Variants in NSDHL observed in about 807,000 individuals in gnomAD.
NSDHL encodes the protein sterol-4-alpha-carboxylate 3-dehydrogenase, decarboxylating.
Under a neutral mutation model 23.0 loss-of-function variants are expected in NSDHL, and 1 was observed. The ratio of observed to expected loss-of-function variants is 0.04; its 90% CI spans 0.02 to 0.21. The LOEUF is 0.21. Ranked by LOEUF, NSDHL falls within the 10% of genes least tolerant of loss-of-function variation. The probability of loss-of-function intolerance (pLI) is 1.00; values close to 1 mark genes in which losing one functional copy is unlikely to be tolerated. For missense variants in NSDHL, 237 were observed against 300.9 expected, an observed-to-expected ratio of 0.79 and a Z score of 1.57; for synonymous variants, 128 against 121.1, an observed-to-expected ratio of 1.06 and a Z score of -0.37.
At chrX:152,834,582 G>T (rs1933062556) in intron 1 of NSDHL, among the ~76,000 whole-genome samples, 1 of 112,359 alleles carries the variant, frequency 8.9e-6, no homozygotes, top group Non-Finnish European at 1.9e-5. Context: ...AGGCTTTATT[G>T]TTGTTCCTAC....
chrX:152,832,393 G>A (rs1556843529), intron 1 of NSDHL, among the ~76,000 whole-genome samples: 6 of 112,005 alleles, frequency 5.4e-5, no homozygotes, highest in Non-Finnish European at 1.1e-4. Context: ...TGGTACTCCA[G>A]GACCTAGAAC....
chrX:152,831,313 A>C (rs1468320149), intron 1 of NSDHL, among the ~76,000 whole-genome samples, 196 bp downstream of exon 1: 1 of 111,646 alleles, frequency 9.0e-6, no homozygotes, highest in Non-Finnish European at 1.9e-5. Context: ...TCACGGGGCA[A>C]CTGAGACCCG....
intron 4 of NSDHL, among the ~76,000 whole-genome samples, chrX:152,860,798 C>T (rs1162771660): frequency 8.9e-6 from 1 of 112,266 alleles, no homozygotes; most frequent in Non-Finnish European, 1.9e-5. Flanking sequence ...AACAACATTA[C>T]TGGCATGTGT....
intron 1 of NSDHL, among the ~76,000 whole-genome samples, chrX:152,838,172 T>A (rs1556844405): frequency 8.9e-6 from 1 of 112,199 alleles, no homozygotes; most frequent in East Asian, 2.8e-4. Context: ...TTGTGTCTAT[T>A]TGATTCTTCT....
At chrX:152,842,732 C>G (rs1294200147) in intron 1 of NSDHL, among the ~76,000 whole-genome samples, 1 of 111,869 alleles carries the variant, frequency 8.9e-6, no homozygotes, top group Middle Eastern at 4.2e-3. Context: ...GAACTCCTGA[C>G]TTCAAGTGTT....
chrX:152,849,670 A>G (rs1933325454), intron 2 of NSDHL, among the ~76,000 whole-genome samples: 1 of 112,610 alleles, frequency 8.9e-6, no homozygotes, highest in Non-Finnish European at 1.9e-5. Flanking sequence ...AGGAGATCCC[A>G]TCAAGGCGGT....
rs781989247 is a variant in NSDHL at position 152,854,392 on chromosome X, TTTTTATTTTATTTTA to T, written c.267+3984_267+3998del. Reference sequence around the variant, plus strand: ...TGAAAGACATGGCAGGAGAGGACCTTTTTTATTTTATTTTATTTTATTTTATTTTTATTTTTATTT... The same window carrying T: ...TGAAAGACATGGCAGGAGAGGACCTTTTTTATTTTATTTTTATTTTTATTT... On this transcript the variant is annotated intron_variant, in intron 3 of 7. Transcript: ENST00000370274. 6.3e-5 allele frequency among the ~76,000 whole-genome samples: 7 copies of T among 110,788 alleles called. 2 individuals are homozygous for T. In the East Asian group the frequency reaches 1.7e-3, roughly 27 times the overall value.
At chrX:152,843,663 T>C (rs1481170830) in intron 1 of NSDHL, among the ~76,000 whole-genome samples, 3 of 112,398 alleles carry the variant, frequency 2.7e-5, no homozygotes, top group Non-Finnish European at 5.6e-5. Context: ...TATTGGCCCA[T>C]TCTTTTCCTA....
In NSDHL at chrX:152,851,938, G is replaced by A. The variant is rs1437514797; in HGVS notation, c.267+1515G>A. ...CTCCCCTGTCATCACCAGTAAGCAC[G>A]TCCTCTCCTTCTTCTCAGTTGCAGG... On this transcript the variant is annotated intron_variant, in intron 3 of 7. Transcript: ENST00000370274. Among the ~76,000 whole-genome samples, 3 of 110,720 alleles carry A rather than the reference G, an allele frequency of 2.7e-5. No homozygotes were observed. The East Asian group carries it at 8.5e-4, about 31-fold the overall frequency.
At chrX:152,838,781 T>TG (rs1411153542) in intron 1 of NSDHL, among the ~76,000 whole-genome samples, 1 of 111,867 alleles carries the variant, frequency 8.9e-6, no homozygotes, top group Non-Finnish European at 1.9e-5. Context: ...TCTGTTGATT[T>TG]GGGGTGGAGA....
chrX:152,868,947 T>A lies in NSDHL; in HGVS notation c.953T>A (p.Ile318Asn). Residue 318 changes from isoleucine (I) to asparagine (N), a missense_variant, in exon 8 of 8, where the codon ATC becomes AAC. Physicochemically the swap from Ile to Asn is moderately radical, Grantham distance 149. Coordinates refer to ENST00000370274, the MANE Select transcript of NSDHL (RefSeq NM_015922.3). ...CTGGTGATGGTGATCAGTCCTGTCA[T>A]CCAGCTGCAGCCCACCTTCACACCC... ...SLLVMVISPV[I>N]QLQPTFTPMR... 1 of 1,212,092 alleles carries A rather than the reference T, an allele frequency of 8.3e-7. No individual in the cohort carries two copies. Among genetic ancestry groups the A allele is most frequent in the Non-Finnish European group, 1.1e-6 (1 of 895,597 alleles).
At chrX:152,847,972 C>T (rs1556845819) in intron 2 of NSDHL, among the ~76,000 whole-genome samples, 1 of 109,597 alleles carries the variant, frequency 9.1e-6, no homozygotes, top group African/African-American at 3.3e-5. Context: ...AAGCAATTCT[C>T]CCTCCTCAGC....
At chrX:152,835,782 T>C (rs111981881) in intron 1 of NSDHL, among the ~76,000 whole-genome samples, 3 of 111,924 alleles carry the variant, frequency 2.7e-5, no homozygotes, top group South Asian at 7.5e-4. Flanking sequence ...GTCTTTATAG[T>C]AGCATGATTT....
intron 1 of NSDHL, among the ~76,000 whole-genome samples, chrX:152,837,026 G>T (rs944110861): frequency 8.9e-6 from 1 of 111,768 alleles, no homozygotes; most frequent in Non-Finnish European, 1.9e-5. Flanking sequence ...CACGTCCCTT[G>T]TAAGTTGGAT....
At position 152,869,316 on chromosome X, in the gene NSDHL, G is replaced by T; in HGVS notation, c.*200G>T. 1 of 470,942 alleles carries T rather than the reference G, an allele frequency of 2.1e-6. No homozygotes were observed. Among genetic ancestry groups the T allele is most frequent in the Middle Eastern group, 5.8e-4 (1 of 1,738 alleles). The allele number at this position is 470,942 out of a possible 1,213,427, so 38.8% of individuals were successfully genotyped here. On this transcript the variant is annotated 3_prime_UTR_variant, in exon 8 of 8. Transcript: ENST00000370274. ...TTCTTCCTTCATGGAACTGGATTTG[G>T]ATTTCTTGAAGCAGGCAGCTTCATA... is the stretch of plus-strand genomic sequence containing the variant.
At position 152,869,252 on chromosome X, in the gene NSDHL, T is replaced by C; in HGVS notation, c.*136T>C. 1.8e-6 allele frequency: 1 copy of C among 554,914 alleles called. No individual in the cohort carries two copies. The highest frequency in any genetic ancestry group is 3.6e-5 in the East Asian group (1 of 27,694). The allele number at this position is 554,914 out of a possible 1,213,427, so 45.7% of individuals were successfully genotyped here. A position where few individuals can be genotyped will look rare whatever the true frequency, so the allele number is the denominator to read the frequency against. On this transcript the variant is annotated 3_prime_UTR_variant, in exon 8 of 8. Transcript: ENST00000370274. ...CTTCTGCTAGGCAGAGAGCGCACCC[T>C]ACTCTTTCCGTGACGATGAGGGCGG...
intron 1 of NSDHL, among the ~76,000 whole-genome samples, chrX:152,832,628 C>T (rs1199103969): frequency 8.9e-6 from 1 of 111,910 alleles, no homozygotes; most frequent in African/African-American, 3.3e-5. Flanking sequence ...AGCTTAATGT[C>T]CCTCCATACC....
intron 2 of NSDHL, among the ~76,000 whole-genome samples, chrX:152,849,580 C>A (rs971758999): frequency 1.8e-5 from 2 of 112,864 alleles, no homozygotes; most frequent in Non-Finnish European, 3.7e-5. Context: ...CCATGGCTCT[C>A]CCCATTTCTT....
chrX:152,856,548 A>G (rs1002662261), intron 3 of NSDHL, among the ~76,000 whole-genome samples: 11 of 111,319 alleles, frequency 9.9e-5, no homozygotes, highest in Non-Finnish European at 2.1e-4. Flanking sequence ...AAAAAGAACT[A>G]GGGCTTCTTG....
Sources: allele counts gnomAD v4.1 joint callset (sites outside exome capture counted in the v4.1 genomes callset), GRCh38; gene constraint gnomAD v4.1.1; transcripts MANE v1.5; gene names NCBI Gene and HGNC (gene_info 2026-07-23, HGNC 2026-07-21).